Variants in TRIM5 observed in about 807,000 individuals in gnomAD.
The protein encoded by TRIM5 is tripartite motif containing 5.
In TRIM5, 31 loss-of-function variants were observed where a neutral mutation model predicts 35.6. The observed-to-expected ratio is 0.87, with a 90% CI of 0.65 to 1.18. TRIM5 has a LOEUF of 1.18. Ranked by LOEUF, TRIM5 falls within the 50% of genes most tolerant of loss-of-function variation. TRIM5 has a pLI of 0.00. For missense variants in TRIM5, 609 were observed against 591.6 expected (o/e 1.03, Z -0.31); for synonymous variants, 243 against 215.6 (o/e 1.13, Z -1.11).
the TRIM5 span, chr11:5,603,553 C>T: frequency 1.2e-6 from 2 of 1,613,982 alleles, no homozygotes; most frequent in African/African-American, 2.7e-5. Context: ...AGTGAGGCGG[C>T]TCAGAGAGGT....
At position 5,663,825 on chromosome 11, in the gene TRIM5, T is replaced by C. The variant is rs1850928187; in HGVS notation, c.*984A>G. On this transcript the variant is annotated 3_prime_UTR_variant, in exon 8 of 8. Coordinates refer to ENST00000380034, the MANE Select transcript of TRIM5 (RefSeq NM_033034.3). ...ATTTCAAAATATATGCAATAGGTTA[T>C]TGTTAACTCTAGTCACCCTACTATG... 1 of 154,072 alleles carries C rather than the reference T, an allele frequency of 6.5e-6. No individual in the cohort carries two copies. The highest frequency in any genetic ancestry group is 1.4e-5 in the Non-Finnish European group (1 of 69,702). 9.5% of individuals were successfully genotyped at this position (154,072 alleles called of 1,614,324 possible).
intron 4 of TRIM5, 169 bp downstream of exon 4, chr11:5,678,033 TTA>T (rs767323766): frequency 4.9e-5 from 28 of 577,012 alleles, no homozygotes; most frequent in Non-Finnish European, 7.2e-5. Flanking sequence ...AAAAATGGGA[TTA>T]TCTCTTGCTA....
the TRIM5 span, among the ~76,000 whole-genome samples, chr11:5,655,986 C>T: frequency 6.6e-6 from 1 of 152,094 alleles, no homozygotes; most frequent in Non-Finnish European, 1.5e-5. Flanking sequence ...TTCCTTACAC[C>T]TTATAGAAAA....
the TRIM5 span, among the ~76,000 whole-genome samples, chr11:5,640,381 A>G: frequency 2.6e-5 from 4 of 151,710 alleles, no homozygotes; most frequent in Admixed American, 1.3e-4. Flanking sequence ...TTTCATGTCT[A>G]TTGAGATCAT....
At chr11:5,641,021 C>A in the TRIM5 span, 1 of 1,115,670 alleles carries the variant, frequency 9.0e-7, no homozygotes, top group South Asian at 2.2e-5. Context: ...CTTGGTGTGT[C>A]TAGCTAAATG....
chr11:5,642,682 T>C, the TRIM5 span: 1 of 1,320,032 alleles, frequency 7.6e-7, no homozygotes, highest in East Asian at 2.8e-5. Context: ...GCTAGGTCTC[T>C]GGTTTATCTT....
At chr11:5,596,355 T>C in the TRIM5 span, among the ~76,000 whole-genome samples, 1 of 152,066 alleles carries the variant, frequency 6.6e-6, no homozygotes, top group African/African-American at 2.4e-5. Context: ...AGAGGCACCT[T>C]TGCAGCTGGG....
chr11:5,600,837 C>G, the TRIM5 span, among the ~76,000 whole-genome samples: 6 of 152,120 alleles, frequency 3.9e-5, no homozygotes, highest in African/African-American at 1.4e-4. Flanking sequence ...TTCACATAGG[C>G]AGTGTTAGCT....
chr11:5,637,877 T>G, the TRIM5 span, among the ~76,000 whole-genome samples: 1 of 152,228 alleles, frequency 6.6e-6, no homozygotes. Flanking sequence ...AAGGGTCTGT[T>G]GCATAATGCT....
At chr11:5,645,759 C>A in the TRIM5 span, 1 of 214,176 alleles carries the variant, frequency 4.7e-6, no homozygotes, top group Non-Finnish European at 9.0e-6. Flanking sequence ...TTCACTTTTG[C>A]TCATTGTATG....
chr11:5,677,718 C>T (rs905852884), intron 4 of TRIM5, among the ~76,000 whole-genome samples: 7 of 152,056 alleles, frequency 4.6e-5, no homozygotes, highest in South Asian at 2.1e-4. Flanking sequence ...CGTGAGCCAC[C>T]GCGCCCAGCC....
the TRIM5 span, among the ~76,000 whole-genome samples, chr11:5,649,077 T>C: frequency 1.3e-5 from 2 of 152,202 alleles, no homozygotes; most frequent in African/African-American, 4.8e-5. Context: ...AACATACACA[T>C]ATCTGTACTT....
the TRIM5 span, chr11:5,632,476 A>G: frequency 1.6e-5 from 26 of 1,614,100 alleles, no homozygotes; most frequent in Non-Finnish European, 2.2e-5. Flanking sequence ...GGCAGTGACC[A>G]GCATGGGAGG....
chr11:5,615,287 ATAT>A, the TRIM5 span, among the ~76,000 whole-genome samples: 1 of 152,178 alleles, frequency 6.6e-6, no homozygotes, highest in East Asian at 1.9e-4. Flanking sequence ...ATGTTAGTTG[ATAT>A]TATTCAAATC....
chr11:5,627,715 G>A, the TRIM5 span, among the ~76,000 whole-genome samples: 1 of 152,168 alleles, frequency 6.6e-6, no homozygotes. Context: ...GAATGGGGAG[G>A]AGATGCTACA....
chr11:5,680,353 G>A, intron 1 of TRIM5, 115 bp from the exon 2 acceptor site: 1 of 639,886 alleles, frequency 1.6e-6, no homozygotes, highest in Admixed American at 3.4e-5. Flanking sequence ...GACAAAAAAA[G>A]GGGAGAAATA....
the TRIM5 span, among the ~76,000 whole-genome samples, chr11:5,617,598 C>T: frequency 7.0e-6 from 1 of 141,934 alleles, no homozygotes; most frequent in Non-Finnish European, 1.5e-5. Flanking sequence ...AAGCGATTCA[C>T]CAGCCTCGGC....
the TRIM5 span, chr11:5,632,429 G>T: frequency 6.2e-7 from 1 of 1,614,066 alleles, no homozygotes; most frequent in Non-Finnish European, 8.5e-7. Flanking sequence ...TGTGGCCACA[G>T]CCTCTGCCGA....
At chr11:5,639,120 T>C in the TRIM5 span, among the ~76,000 whole-genome samples, 1 of 152,186 alleles carries the variant, frequency 6.6e-6, no homozygotes, top group East Asian at 1.9e-4. Context: ...GATCAGACTT[T>C]AAGGTATGAG....
Sources: gnomAD v4.1 joint callset for allele counts (sites outside exome capture counted in the v4.1 genomes callset) on GRCh38, gnomAD v4.1.1 for gene constraint, MANE v1.5 for transcripts, NCBI Gene and HGNC (gene_info 2026-07-23, HGNC 2026-07-21) for gene names.